The following LAMB4 variants were observed in gnomAD, a reference collection of about 807,000 sequenced individuals.
The protein encoded by LAMB4 is laminin subunit beta 4.
A neutral mutation model predicts 199.2 loss-of-function variants in LAMB4; 196 were observed. The observed-to-expected ratio is 0.98, with a 90% CI of 0.88 to 1.11. The LOEUF is 1.11. LAMB4 is among the 50% of genes least tolerant of loss of function. The pLI is 0.00. For missense variants in LAMB4, 2,080 were observed against 2,171.2 expected, an observed-to-expected ratio of 0.96 and a Z score of 0.83; for synonymous variants, 744 against 770.6, an observed-to-expected ratio of 0.97 and a Z score of 0.57.
rs1261095775 is a variant in LAMB4, at chr7:108,111,666, CTTATATGGGT to C, written c.328+135_328+144del. The C allele has an allele frequency of 4.8e-5, 30 of 619,114 alleles. 1 individual carries two copies. The East Asian group carries it at 9.3e-4, about 19-fold the overall frequency. 38.4% of individuals were successfully genotyped at this position (619,114 alleles called of 1,614,324 possible). A position where few individuals can be genotyped will look rare whatever the true frequency, so the allele number is the denominator to read the frequency against. On this transcript the variant is annotated intron_variant, in intron 4 of 33. Coordinates refer to ENST00000388781, the MANE Select transcript of LAMB4 (RefSeq NM_007356.3). ...TGTTAAAATGAAAATAAATTGTATTCTTATATGGGTCTCTACATTCTTGGAGGATACTGTT... is the reference window on the plus strand; with the variant it reads ...TGTTAAAATGAAAATAAATTGTATTCCTCTACATTCTTGGAGGATACTGTT...
intron 33 of LAMB4, among the ~76,000 whole-genome samples, chr7:108,028,555 C>T (rs1235833528): frequency 1.4e-5 from 2 of 148,066 alleles, no homozygotes; most frequent in Non-Finnish European, 3.0e-5. Context: ...TGGCTCACTG[C>T]AACCTCTGCC....
At chr7:108,127,632 C>T (rs1443047247) in intron 1 of LAMB4, among the ~76,000 whole-genome samples, 1 of 152,084 alleles carries the variant, frequency 6.6e-6, no homozygotes, top group Non-Finnish European at 1.5e-5. Context: ...GTGGAAATGC[C>T]AATGATCAGG....
chr7:108,088,166 C>CT (rs56403423), intron 14 of LAMB4, among the ~76,000 whole-genome samples: 111 of 146,060 alleles, frequency 7.6e-4, no homozygotes, highest in South Asian at 2.0e-3. Context: ...TTGCTAAAAT[C>CT]TTTTTTTTTT....
At chr7:108,029,448 G>A (rs1031774618) in intron 32 of LAMB4, among the ~76,000 whole-genome samples, 4 of 152,124 alleles carry the variant, frequency 2.6e-5, no homozygotes, top group Non-Finnish European at 5.9e-5. Flanking sequence ...GCATGTTAAG[G>A]CAACTATGTC....
intron 10 of LAMB4, among the ~76,000 whole-genome samples, chr7:108,100,143 G>A (rs1191223684): frequency 6.6e-6 from 1 of 152,098 alleles, no homozygotes; most frequent in Non-Finnish European, 1.5e-5. Flanking sequence ...GGGAAGGGTG[G>A]ATAGTAAATG....
intron 2 of LAMB4, among the ~76,000 whole-genome samples, chr7:108,122,484 G>C (rs958799945): frequency 6.6e-6 from 1 of 152,180 alleles, no homozygotes; most frequent in African/African-American, 2.4e-5. Context: ...CTCAGGGTTG[G>C]AAAATTGTGA....
intron 2 of LAMB4, among the ~76,000 whole-genome samples, chr7:108,122,413 C>G (rs2150697170): frequency 6.6e-6 from 1 of 152,240 alleles, no homozygotes; most frequent in Non-Finnish European, 1.5e-5. Flanking sequence ...GGATTTTCAA[C>G]AGAGAACAAA....
At chr7:108,087,498 T>G (rs889174850) in intron 14 of LAMB4, among the ~76,000 whole-genome samples, 4 of 152,228 alleles carry the variant, frequency 2.6e-5, no homozygotes, top group African/African-American at 9.6e-5. Flanking sequence ...AAAACAAGCC[T>G]ACAGTGGCTC....
At chr7:108,121,405 A>G (rs934795448) in intron 2 of LAMB4, among the ~76,000 whole-genome samples, 19 of 152,200 alleles carry the variant, frequency 1.2e-4, no homozygotes, top group African/African-American at 4.6e-4. Flanking sequence ...GCTTTAGAGG[A>G]TGTAAACACA....
intron 10 of LAMB4, among the ~76,000 whole-genome samples, chr7:108,101,366 C>G (rs2037809407): frequency 6.6e-6 from 1 of 152,162 alleles, no homozygotes; most frequent in Non-Finnish European, 1.5e-5. Context: ...ATGAATCCTC[C>G]AAGTTCACTG....
chr7:108,099,767 C>A (rs543408074), intron 10 of LAMB4, among the ~76,000 whole-genome samples: 75 of 152,278 alleles, frequency 4.9e-4, no homozygotes, highest in African/African-American at 1.8e-3. Context: ...TATATAACCA[C>A]CATTTAGGTT....
intron 32 of LAMB4, 122 bp from the exon 33 acceptor site, chr7:108,029,318 A>T (rs536461656): frequency 9.1e-6 from 6 of 656,114 alleles, no homozygotes; most frequent in Non-Finnish European, 1.2e-5. Context: ...CAGTCAATAC[A>T]CTTGAGTTGC....
At chr7:108,115,312 A>T (rs577353896) in intron 3 of LAMB4, among the ~76,000 whole-genome samples, 3 of 152,352 alleles carry the variant, frequency 2.0e-5, no homozygotes, top group African/African-American at 7.2e-5. Context: ...TGCATCTGCA[A>T]GTTCCATATT....
At chr7:108,082,147 G>A (rs560916082) in intron 14 of LAMB4, among the ~76,000 whole-genome samples, 2 of 152,132 alleles carry the variant, frequency 1.3e-5, no homozygotes, top group African/African-American at 2.4e-5. Context: ...TGGCTAACAC[G>A]GTGAAACCCC....
At chr7:108,051,993 C>A in intron 26 of LAMB4, 104 bp downstream of exon 26, 1 of 835,674 alleles carries the variant, frequency 1.2e-6, no homozygotes, top group Admixed American at 2.6e-5. Context: ...TTCTAAAGTG[C>A]TCAGGCACTA....
intron 1 of LAMB4, among the ~76,000 whole-genome samples, chr7:108,127,361 A>C (rs1173842253): frequency 2.6e-5 from 4 of 152,072 alleles, no homozygotes; most frequent in African/African-American, 9.7e-5. Context: ...CTCAGACTAG[A>C]AACTTGAGGG....
chr7:108,118,958 T>TA (rs1259806977), intron 2 of LAMB4, among the ~76,000 whole-genome samples: 4 of 151,910 alleles, frequency 2.6e-5, no homozygotes, highest in Non-Finnish European at 5.9e-5. Context: ...AAAAAGCCAA[T>TA]CAAATGAGCA....
At position 108,030,931 on chromosome 7, in the gene LAMB4, G is replaced by C. The variant is rs150839001; in HGVS notation, c.4867C>G (p.Gln1623Glu). Residue 1623 changes from glutamine (Q) to glutamate (E), a missense_variant, in exon 32 of 34, where the codon CAG becomes GAG. By Grantham distance (29) the Gln-to-Glu change is conservative. Transcript: ENST00000388781. The stretch of plus-strand genomic sequence containing the variant: ...AGTCCATCCTCCAGCCCTGATCGCT[G>C]CTTTGCTAACTCCAGCTCACTCTTC... ...EMKSELELAK[Q>E]RSGLEDGLSL... is the part of the protein sequence containing the mutation. 1.9e-6 allele frequency: 3 copies of C among 1,613,972 alleles called. No individual in the cohort carries two copies. The East Asian group carries it at 6.7e-5, about 36-fold the overall frequency.
At chr7:108,053,080 C>CTAAAAATAA (rs1167059843) in intron 25 of LAMB4, among the ~76,000 whole-genome samples, 2 of 152,152 alleles carry the variant, frequency 1.3e-5, no homozygotes, top group African/African-American at 4.8e-5. Context: ...ATTCTTCAGG[C>CTAAAAATAA]TAACAATAAT....
Sources: allele counts gnomAD v4.1 joint callset (sites outside exome capture counted in the v4.1 genomes callset), GRCh38; gene constraint gnomAD v4.1.1; transcripts MANE v1.5; gene names NCBI Gene and HGNC (gene_info 2026-07-23, HGNC 2026-07-21).